Variants in REPS2 observed in about 807,000 individuals in gnomAD.
REPS2 encodes ralBP1-associated Eps domain-containing protein 2.
REPS2 carries 23 observed loss-of-function variants against 53.6 expected under a neutral mutation model. The ratio of observed to expected loss-of-function variants is 0.43; its 90% confidence interval spans 0.31 to 0.61. The LOEUF is 0.61. Among genes scored for constraint, REPS2 ranks in the 20% least tolerant of loss-of-function variants. The probability of loss-of-function intolerance (pLI) is 0.11; values close to 1 mark genes in which losing one functional copy is unlikely to be tolerated. For synonymous variants in REPS2, 238 were observed against 218.6 expected (o/e 1.09, Z -0.78); for missense variants, 446 against 534.9 (o/e 0.83, Z 1.64).
At chrX:17,073,988 G>A (rs1174637632) in intron 11 of REPS2, 126 bp from the exon 12 acceptor site, 10 of 442,130 alleles carry the variant, frequency 2.3e-5, no homozygotes, top group Admixed American at 7.6e-5. Context: ...TGTGGGAGCC[G>A]TCCAGTTCTC....
chrX:17,186,228 C>A, the REPS2 span, among the ~76,000 whole-genome samples: 6 of 112,229 alleles, frequency 5.3e-5, no homozygotes, highest in Non-Finnish European at 1.1e-4. Context: ...ACACACAGTC[C>A]CTGAAGGTGC....
chrX:17,028,227 T>C (rs1385499642), intron 4 of REPS2, among the ~76,000 whole-genome samples: 1 of 111,344 alleles, frequency 9.0e-6, no homozygotes, highest in Non-Finnish European at 1.9e-5. Flanking sequence ...TGGGATTCAC[T>C]TCCTAAGGAA....
At chrX:17,190,405 G>A in the REPS2 span, among the ~76,000 whole-genome samples, 2 of 112,218 alleles carry the variant, frequency 1.8e-5, no homozygotes, top group African/African-American at 6.5e-5. Flanking sequence ...TTAAGTGTTA[G>A]TCTAACAACG....
chrX:16,989,265 AAC>A (rs2061132146), intron 1 of REPS2, among the ~76,000 whole-genome samples: 2 of 110,636 alleles, frequency 1.8e-5, no homozygotes, highest in African/African-American at 6.6e-5. Flanking sequence ...AAAAAAAAAA[AAC>A]TCTTGCTGTA....
chrX:17,044,993 G>A (rs1020685061), intron 5 of REPS2, among the ~76,000 whole-genome samples: 22 of 111,642 alleles, frequency 2.0e-4, no homozygotes, highest in Middle Eastern at 4.6e-3. Flanking sequence ...GCAATGGCGC[G>A]ATCTCGGCTC....
chrX:17,023,135 G>C (rs1308479200), intron 3 of REPS2, among the ~76,000 whole-genome samples: 1 of 112,628 alleles, frequency 8.9e-6, no homozygotes, highest in Non-Finnish European at 1.9e-5. Flanking sequence ...ATTTATTATA[G>C]GAACACTTGA....
Position 16,961,566 on chromosome X carries a change from C to G in REPS2, c.273+14432C>G, listed in dbSNP as rs151082102. Among the ~76,000 whole-genome samples, 5 of 111,810 alleles carry G rather than the reference C, an allele frequency of 4.5e-5. No homozygotes were observed. In the East Asian group the frequency reaches 1.4e-3, roughly 31 times the overall value. On this transcript the variant is annotated intron_variant, in intron 1 of 17. Transcript: ENST00000357277. ...AGAAGAAAACATAGGGGAAAAGCTC[C>G]TTGATATCGGCCTTGGCAATGATTT...
intron 5 of REPS2, among the ~76,000 whole-genome samples, chrX:17,030,916 G>C (rs892603520): frequency 8.9e-6 from 1 of 112,217 alleles, no homozygotes; most frequent in Admixed American, 9.4e-5. Flanking sequence ...GCTACATAAA[G>C]AAACGTTGGG....
chrX:17,108,330 C>T (rs753894229), intron 14 of REPS2, among the ~76,000 whole-genome samples: 1 of 110,138 alleles, frequency 9.1e-6, no homozygotes, highest in Non-Finnish European at 1.9e-5. Flanking sequence ...TGCACCACCA[C>T]GCCCGGCTAA....
intron 1 of REPS2, among the ~76,000 whole-genome samples, chrX:16,968,480 C>G (rs1383236470): frequency 2.0e-4 from 22 of 108,500 alleles, no homozygotes; most frequent in African/African-American, 7.0e-4. Context: ...GCTGACACCC[C>G]CACCTCCCTC....
At chrX:17,046,638 T>A (rs2061911999) in intron 5 of REPS2, among the ~76,000 whole-genome samples, 1 of 112,315 alleles carries the variant, frequency 8.9e-6, no homozygotes, top group African/African-American at 3.2e-5. Context: ...AGCTTTGTTT[T>A]CTCCCGCACT....
In REPS2 at chrX:17,029,583, C is replaced by T. The variant is rs762837888; in HGVS notation, c.731C>T (p.Pro244Leu). The change falls in exon 5 of 18, where the codon CCA becomes CTA. Residue 244 changes from proline to leucine, a missense_variant. Pro to Leu is a moderately conservative substitution (Grantham distance 98, BLOSUM62 -3). Transcript: ENST00000357277. ...CCCGAGGGATCCTCATCAGGGGGCC[C>T]AGGAACCAAGCCCCTTCGGCATCAG... ...VQPEGSSSGG[P>L]GTKPLRHQAS... 1 of 1,209,426 alleles carries T rather than the reference C, an allele frequency of 8.3e-7. No homozygotes were observed. Among genetic ancestry groups the T allele is most frequent in the South Asian group, 1.8e-5 (1 of 56,838 alleles).
chrX:17,043,818 A>G (rs1426039820), intron 5 of REPS2, among the ~76,000 whole-genome samples: 1 of 112,911 alleles, frequency 8.9e-6, no homozygotes, highest in Admixed American at 9.3e-5. Context: ...CAAGGCTGCC[A>G]GGCCCACCTT....
the REPS2 span, among the ~76,000 whole-genome samples, chrX:17,166,930 G>A: frequency 8.9e-6 from 1 of 112,326 alleles, no homozygotes; most frequent in Non-Finnish European, 1.9e-5. Context: ...AGTTTCTGTA[G>A]TCTGGATTCA....
chrX:16,947,319 C>T (rs1374086702), intron 1 of REPS2, among the ~76,000 whole-genome samples, 185 bp downstream of exon 1: 1 of 112,487 alleles, frequency 8.9e-6, no homozygotes, highest in African/African-American at 3.2e-5. Context: ...GCCTCCTTCG[C>T]AGCTCAGCTC....
At chrX:17,102,033 G>T (rs199799519) in intron 13 of REPS2, among the ~76,000 whole-genome samples, 40 of 61,028 alleles carry the variant, frequency 6.6e-4, no homozygotes, top group African/African-American at 1.5e-3. Flanking sequence ...TTTATTTTAT[G>T]TTATGTTATG....
At chrX:17,000,070 CA>C (rs1252799170) in intron 1 of REPS2, among the ~76,000 whole-genome samples, 2 of 97,110 alleles carry the variant, frequency 2.1e-5, no homozygotes, top group African/African-American at 8.1e-5. Flanking sequence ...AAAAAAAAAG[CA>C]AAATCTTATT....
At chrX:17,141,151 G>A (rs940758384) in intron 17 of REPS2, among the ~76,000 whole-genome samples, 1 of 111,899 alleles carries the variant, frequency 8.9e-6, no homozygotes, top group Non-Finnish European at 1.9e-5. Flanking sequence ...AAAAGATAGA[G>A]AATATTACCA....
chrX:16,984,278 A>T (rs777115040), intron 1 of REPS2, among the ~76,000 whole-genome samples: 1 of 112,069 alleles, frequency 8.9e-6, no homozygotes, highest in Non-Finnish European at 1.9e-5. Flanking sequence ...GTTCCTCACC[A>T]TGTGGGTCTC....
Sources: allele counts gnomAD v4.1 joint callset (sites outside exome capture counted in the v4.1 genomes callset), GRCh38; gene constraint gnomAD v4.1.1; transcripts MANE v1.5; gene names NCBI Gene and HGNC (gene_info 2026-07-23, HGNC 2026-07-21).